Variants in METTL6 observed in about 807,000 individuals in gnomAD.
METTL6 encodes the protein tRNA N(3)-cytidine methyltransferase METTL6.
A neutral mutation model predicts 26.4 loss-of-function variants in METTL6; 22 were observed. That is an observed-to-expected ratio of 0.83 (90% CI 0.59 to 1.19). The LOEUF (loss-of-function observed/expected upper bound fraction) is 1.19. Among genes scored for constraint, METTL6 ranks in the 50% most tolerant of loss-of-function variants. METTL6 has a pLI of 0.00. For synonymous variants in METTL6, 109 were observed against 116.2 expected (o/e 0.94, Z 0.40); for missense variants, 304 against 324.8 (o/e 0.94, Z 0.49).
chr3:15,391,187 G>A (rs549470939), intron 6 of METTL6, among the ~76,000 whole-genome samples: 2 of 152,330 alleles, frequency 1.3e-5, no homozygotes. Context: ...CTCAGCTGCT[G>A]TGTTGCTCTG....
At chr3:15,385,855 C>T (rs2124886814) in intron 6 of METTL6, among the ~76,000 whole-genome samples, 1 of 152,266 alleles carries the variant, frequency 6.6e-6, no homozygotes, top group East Asian at 1.9e-4. Context: ...CAGTTTATTC[C>T]TGTAGGTGAA....
intron 6 of METTL6, among the ~76,000 whole-genome samples, chr3:15,395,091 C>G (rs1357629384): frequency 6.6e-6 from 1 of 152,024 alleles, no homozygotes; most frequent in Non-Finnish European, 1.5e-5. Flanking sequence ...TCTAATGTGA[C>G]AGTGGGGTGT....
chr3:15,397,564 C>T (rs1176650424), intron 6 of METTL6, among the ~76,000 whole-genome samples: 1 of 152,170 alleles, frequency 6.6e-6, no homozygotes, highest in African/African-American at 2.4e-5. Flanking sequence ...AATCATTCGT[C>T]TTCTGTGTCG....
intron 6 of METTL6, among the ~76,000 whole-genome samples, chr3:15,403,398 T>G (rs1292404670): frequency 6.6e-6 from 1 of 152,260 alleles, no homozygotes; most frequent in Non-Finnish European, 1.5e-5. Flanking sequence ...GATCTAGACA[T>G]GTTTGGCAAC....
chr3:15,391,174 A>G (rs952159914), intron 6 of METTL6, among the ~76,000 whole-genome samples: 4 of 152,338 alleles, frequency 2.6e-5, no homozygotes, highest in East Asian at 1.9e-4. Context: ...TGTATCCCCA[A>G]TGCTCAGCTG....
At chr3:15,414,603 C>T in intron 4 of METTL6, 1 of 275,608 alleles carries the variant, frequency 3.6e-6, no homozygotes, top group South Asian at 3.1e-5. Flanking sequence ...AATTTGCCCA[C>T]CTCAGTCTCC....
intron 6 of METTL6, among the ~76,000 whole-genome samples, chr3:15,403,636 T>G (rs773768220): frequency 6.6e-6 from 1 of 152,182 alleles, no homozygotes; most frequent in Non-Finnish European, 1.5e-5. Flanking sequence ...TGGAGCTGTT[T>G]CCCTACCTTC....
chr3:15,389,845 G>A (rs1289009392), intron 6 of METTL6, among the ~76,000 whole-genome samples: 2 of 137,180 alleles, frequency 1.5e-5, no homozygotes, highest in African/African-American at 5.7e-5. Context: ...ACCGCGCCCG[G>A]CCAATTTTTT....
Position 15,411,085 on chromosome 3 carries a change from G to GCCT in METTL6, c.*170_*171insAGG. On this transcript the variant is annotated 3_prime_UTR_variant, in exon 6 of 6. Transcript: ENST00000383790. ...TTTTTTTGTATTTTTAGTAGAGATG[G>GCCT]GGTCTCACCATGTTGGCCAGGCTGG... The GCCT allele has an allele frequency of 1.6e-6, 1 of 617,650 alleles. No individual in the cohort carries two copies. The highest frequency in any genetic ancestry group is 2.3e-5 in the South Asian group (1 of 44,180). 38.3% of individuals were successfully genotyped at this position (617,650 alleles called of 1,614,324 possible).
At chr3:15,417,527 A>G (rs1032094559) in intron 3 of METTL6, among the ~76,000 whole-genome samples, 1 of 151,936 alleles carries the variant, frequency 6.6e-6, no homozygotes, top group Non-Finnish European at 1.5e-5. Flanking sequence ...ACACTACTGG[A>G]TATCAAAATA....
chr3:15,414,263 G>T, intron 4 of METTL6, 101 bp from the exon 5 acceptor site: 2 of 1,500,404 alleles, frequency 1.3e-6, no homozygotes, highest in Non-Finnish European at 1.8e-6. Context: ...GTTACTAAGG[G>T]GACAGACTGA....
chr3:15,397,287 C>G (rs1362414679), intron 6 of METTL6, among the ~76,000 whole-genome samples: 1 of 152,226 alleles, frequency 6.6e-6, no homozygotes, highest in African/African-American at 2.4e-5. Context: ...CCGAGCCAGG[C>G]ACGGGATATA....
At chr3:15,411,465 A>C (rs767980689) in intron 5 of METTL6, 28 bp from the exon 6 acceptor site, 1 of 1,606,120 alleles carries the variant, frequency 6.2e-7, no homozygotes, top group Non-Finnish European at 8.5e-7. Flanking sequence ...ACAATGCTCA[A>C]CAGTCTTCAT....
At chr3:15,389,800 G>A (rs545435105) in intron 6 of METTL6, among the ~76,000 whole-genome samples, 21 of 150,778 alleles carry the variant, frequency 1.4e-4, no homozygotes, top group Admixed American at 7.9e-4. Context: ...CACCCACCTC[G>A]GCCTCCCAAA....
At chr3:15,422,485 G>A (rs2061630396) in intron 3 of METTL6, among the ~76,000 whole-genome samples, 1 of 151,956 alleles carries the variant, frequency 6.6e-6, no homozygotes, top group Admixed American at 6.6e-5. Context: ...ATTAGCCAGG[G>A]GTGGTAGTAT....
chr3:15,386,824 A>G (rs924291682), intron 6 of METTL6, among the ~76,000 whole-genome samples: 1 of 149,964 alleles, frequency 6.7e-6, no homozygotes, highest in Non-Finnish European at 1.5e-5. Flanking sequence ...ACAGAGTTTC[A>G]CTCTTGTCAC....
chr3:15,390,538 C>A (rs755803701), intron 6 of METTL6, among the ~76,000 whole-genome samples: 1 of 152,186 alleles, frequency 6.6e-6, no homozygotes, highest in Non-Finnish European at 1.5e-5. Context: ...TGGGGTGTGG[C>A]TTGTTTACTC....
chr3:15,405,952 C>T (rs1575407941), downstream of METTL6, among the ~76,000 whole-genome samples: 1 of 152,050 alleles, frequency 6.6e-6, no homozygotes, highest in East Asian at 1.9e-4. Context: ...TATTCATATT[C>T]CAAATCCTGT....
At position 15,414,110 on chromosome 3, in the gene METTL6, T is replaced by C. The variant is rs1451046424; in HGVS notation, c.584A>G (p.His195Arg). 1 of 1,614,094 alleles carries C rather than the reference T, an allele frequency of 6.2e-7. No individual in the cohort carries two copies. Among genetic ancestry groups the C allele is most frequent in the Non-Finnish European group, 8.5e-7 (1 of 1,180,048 alleles). ...GCTGGCTTTAAACCTAAGCATGGCA[T>C]GATCATACAGTCCGTAGTCACGAAA... ...VLFRDYGLYD[H>R]AMLRFKASSK... Residue 195 changes from histidine (H) to arginine (R), a missense_variant, in exon 5 of 6, where the codon CAT becomes CGT. Coordinates refer to ENST00000383790, the MANE Select transcript of METTL6 (RefSeq NM_152396.4).
Sources: allele counts gnomAD v4.1 joint callset (sites outside exome capture counted in the v4.1 genomes callset), GRCh38; gene constraint gnomAD v4.1.1; transcripts MANE v1.5; gene names NCBI Gene and HGNC (gene_info 2026-07-23, HGNC 2026-07-21).